Variants in ITGA1 observed in about 807,000 individuals in gnomAD.
ITGA1 encodes the protein integrin subunit alpha 1.
Under a neutral mutation model 145.9 loss-of-function variants are expected in ITGA1, and 85 were observed. That is an observed-to-expected ratio of 0.58 (90% CI 0.49 to 0.70). The LOEUF (loss-of-function observed/expected upper bound fraction) is 0.70. Ranked by LOEUF, ITGA1 falls within the 30% of genes least tolerant of loss-of-function variation. The pLI, the probability that ITGA1 is intolerant of heterozygous loss-of-function variation, is 0.00. For missense variants in ITGA1, 1,351 were observed against 1,418.7 expected, an observed-to-expected ratio of 0.95 and a Z score of 0.77; for synonymous variants, 520 against 495.3, an observed-to-expected ratio of 1.05 and a Z score of -0.66.
intron 1 of ITGA1, among the ~76,000 whole-genome samples, chr5:52,825,790 T>A (rs112886193): frequency 0.061 from 9,273 of 151,942 alleles, 951 homozygotes; most frequent in African/African-American, 0.21. Context: ...TGGTGGCGCC[T>A]GCCTGTAATC....
rs200160747 is a variant in ITGA1, at chr5:52,832,142, T to TTC, written c.62-17222_62-17221dup. Among the ~76,000 whole-genome samples the TTC allele has an allele frequency of 2.7e-3, 407 of 152,300 alleles. 9 individuals are homozygous for TTC. Among genetic ancestry groups the TTC allele is most frequent in the Admixed American group, 0.025 (386 of 15,290 alleles). ...TCACTAGGCCACACTATAACCCTGC[T>TTC]TCCTGGAGAGAATCAGACCCATGTA... On this transcript the variant is annotated intron_variant, in intron 1 of 28. Coordinates refer to ENST00000282588, the MANE Select transcript of ITGA1 (RefSeq NM_181501.2).
rs1213850059 is a variant in ITGA1 at position 52,849,148 on chromosome 5, G to A, written c.62-217G>A. 5.9e-5 allele frequency among the ~76,000 whole-genome samples: 9 copies of A among 152,100 alleles called. No homozygotes were observed. The East Asian group carries it at 7.7e-4, about 13-fold the overall frequency. On this transcript the variant is annotated intron_variant, in intron 1 of 28. Transcript: ENST00000282588. The stretch of plus-strand genomic sequence containing the variant: ...TCTAGTTCTAGATCCTTGAGGAATC[G>A]CCACACTGTCTTCCACAATGGTTGA...
At chr5:52,866,175 T>A (rs979858828) in intron 6 of ITGA1, among the ~76,000 whole-genome samples, 5 of 152,070 alleles carry the variant, frequency 3.3e-5, no homozygotes, top group African/African-American at 1.2e-4. Context: ...CCATCACACC[T>A]GGCTAATTTT....
At chr5:52,863,259 C>T (rs951032640) in intron 3 of ITGA1, among the ~76,000 whole-genome samples, 22 of 152,134 alleles carry the variant, frequency 1.4e-4, no homozygotes, top group African/African-American at 5.1e-4. Flanking sequence ...ATATACTCTG[C>T]GCATTTACTA....
intron 1 of ITGA1, among the ~76,000 whole-genome samples, chr5:52,847,219 T>C (rs947489304): frequency 6.6e-6 from 1 of 152,182 alleles, no homozygotes; most frequent in Non-Finnish European, 1.5e-5. Flanking sequence ...ACTTTACAAA[T>C]AGATATATGG....
intron 1 of ITGA1, 74 bp downstream of exon 1, chr5:52,788,488 G>A (rs1748171820): frequency 8.0e-7 from 1 of 1,249,688 alleles, no homozygotes; most frequent in Non-Finnish European, 1.1e-6. Flanking sequence ...GAGGTCCTCA[G>A]AGCCATGGGC....
chr5:52,892,834 G>C (rs373030182), intron 8 of ITGA1, among the ~76,000 whole-genome samples: 1 of 151,756 alleles, frequency 6.6e-6, no homozygotes, highest in East Asian at 1.9e-4. Context: ...AGGGTTGAAC[G>C]AGGGGAGGAA....
At chr5:52,824,284 C>T (rs1359804645) in intron 1 of ITGA1, 6 of 144,972 alleles carry the variant, frequency 4.1e-5, no homozygotes, top group Non-Finnish European at 9.0e-5. Context: ...ATTGTTCTCT[C>T]TTTTCTTTCT....
At chr5:52,854,764 A>T (rs1416410950) in intron 2 of ITGA1, among the ~76,000 whole-genome samples, 1 of 152,220 alleles carries the variant, frequency 6.6e-6, no homozygotes, top group Non-Finnish European at 1.5e-5. Flanking sequence ...TAATGGGCAT[A>T]ATAACAAGAT....
intron 6 of ITGA1, among the ~76,000 whole-genome samples, chr5:52,875,109 C>G (rs1749844883): frequency 6.6e-6 from 1 of 152,058 alleles, no homozygotes; most frequent in Non-Finnish European, 1.5e-5. Context: ...CTCTTTTGCA[C>G]CATTTGCAAT....
At chr5:52,900,122 G>A (rs1028804129) in intron 11 of ITGA1, among the ~76,000 whole-genome samples, 1 of 152,142 alleles carries the variant, frequency 6.6e-6, no homozygotes, top group Non-Finnish European at 1.5e-5. Context: ...CTATCAGTAT[G>A]ATATGTGCTA....
In ITGA1 at chr5:52,815,451, T is replaced by C. The variant is rs13436089; in HGVS notation, c.61+27037T>C. Among the ~76,000 whole-genome samples the C allele has an allele frequency of 6.7e-3, 1,016 of 152,316 alleles. 12 individuals are homozygous for C. The highest frequency in any genetic ancestry group is 0.023 in the African/African-American group (967 of 41,572). On this transcript the variant is annotated intron_variant, in intron 1 of 28. Transcript: ENST00000282588. ...AATGTAACTGAGTATCTAGCAACCCTACATCCTGATATTCAACTTTCCTAC... is the reference window on the plus strand; with the variant it reads ...AATGTAACTGAGTATCTAGCAACCCCACATCCTGATATTCAACTTTCCTAC...
In ITGA1 at chr5:52,862,331, A is replaced by T. The variant is rs908348263; in HGVS notation, c.295+772A>T. ...AGCGGTCTAAGGCGCTGAGTTCAAGAAGTAATCTATAATCATTTTTCATAT... is the reference window on the plus strand; with the variant it reads ...AGCGGTCTAAGGCGCTGAGTTCAAGTAGTAATCTATAATCATTTTTCATAT... On this transcript the variant is annotated intron_variant, in intron 3 of 28. Coordinates refer to ENST00000282588, the MANE Select transcript of ITGA1 (RefSeq NM_181501.2). 2.0e-5 allele frequency among the ~76,000 whole-genome samples: 3 copies of T among 152,258 alleles called. No individual in the cohort carries two copies. In the East Asian group the frequency reaches 5.8e-4, roughly 29 times the overall value.
intron 2 of ITGA1, among the ~76,000 whole-genome samples, chr5:52,860,739 C>T (rs533513500): frequency 3.3e-5 from 5 of 152,224 alleles, no homozygotes; most frequent in African/African-American, 7.2e-5. Context: ...TTAGTTCATC[C>T]GATTCCTGAA....
intron 13 of ITGA1, 76 bp from the exon 14 acceptor site, chr5:52,910,086 T>G: frequency 7.3e-7 from 1 of 1,374,296 alleles, no homozygotes; most frequent in African/African-American, 1.4e-5. Context: ...TAGCACTGAT[T>G]TAGTATACTT....
intron 1 of ITGA1, among the ~76,000 whole-genome samples, chr5:52,841,810 C>A (rs1009030822): frequency 5.9e-5 from 9 of 152,054 alleles, no homozygotes; most frequent in Admixed American, 5.2e-4. Flanking sequence ...TAATATATCA[C>A]CTTTTAGTTA....
Position 52,956,432 on chromosome 5 carries a change from C to T in ITGA1, c.*3981C>T, listed in dbSNP as rs1328144450. The T allele has an allele frequency of 6.6e-6, 1 of 152,136 alleles. No individual in the cohort carries two copies. The highest frequency in any genetic ancestry group is 2.4e-5 in the African/African-American group (1 of 41,420). The allele number at this position is 152,136 out of a possible 1,614,324, so 9.4% of individuals were successfully genotyped here. On this transcript the variant is annotated 3_prime_UTR_variant, in exon 29 of 29. Transcript: ENST00000282588. Reference sequence around the variant, plus strand: ...CAGGCCCCCTTTTGCCAGTTTTCTCCCCCAGGGGAGATTTTCAAGACTACT... The same window carrying T: ...CAGGCCCCCTTTTGCCAGTTTTCTCTCCCAGGGGAGATTTTCAAGACTACT...
intron 23 of ITGA1, among the ~76,000 whole-genome samples, chr5:52,937,065 A>G (rs1334451876): frequency 6.6e-6 from 1 of 151,796 alleles, no homozygotes; most frequent in African/African-American, 2.4e-5. Context: ...AAAAAAAAGA[A>G]AGAAAAAGAA....
chr5:52,792,483 A>C (rs1033411133), intron 1 of ITGA1, among the ~76,000 whole-genome samples: 6 of 152,146 alleles, frequency 3.9e-5, no homozygotes, highest in Non-Finnish European at 7.4e-5. Context: ...ATACTAGTTT[A>C]ACTATTTCTC....
Sources: allele counts gnomAD v4.1 joint callset (sites outside exome capture counted in the v4.1 genomes callset), GRCh38; gene constraint gnomAD v4.1.1; transcripts MANE v1.5; gene names NCBI Gene and HGNC (gene_info 2026-07-23, HGNC 2026-07-21).